Variants in GRM7 observed in about 807,000 individuals in gnomAD.
The protein encoded by GRM7 is metabotropic glutamate receptor 7.
A neutral mutation model predicts 84.5 loss-of-function variants in GRM7; 35 were observed. That is an observed-to-expected ratio of 0.41 (90% CI 0.32 to 0.55). The LOEUF (loss-of-function observed/expected upper bound fraction) is 0.55. Among genes scored for constraint, GRM7 ranks in the 20% least tolerant of loss-of-function variants. The pLI, the probability that GRM7 is intolerant of heterozygous loss-of-function variation, is 0.19. For missense variants in GRM7, 1,003 were observed against 1,194.6 expected, an observed-to-expected ratio of 0.84 and a Z score of 2.36; for synonymous variants, 487 against 455.1, an observed-to-expected ratio of 1.07 and a Z score of -0.89.
intron 8 of GRM7, among the ~76,000 whole-genome samples, chr3:7,582,107 G>A (rs1695285184): frequency 6.6e-6 from 1 of 152,174 alleles, no homozygotes; most frequent in South Asian, 2.1e-4. Context: ...CAATAGCACA[G>A]TAGAAGCTGG....
chr3:7,636,756 G>C (rs548592825), intron 8 of GRM7, among the ~76,000 whole-genome samples: 1 of 152,244 alleles, frequency 6.6e-6, no homozygotes, highest in African/African-American at 2.4e-5. Flanking sequence ...CTGGGTAAAA[G>C]CTCAGCTCAT....
chr3:7,158,730 A>G (rs959808303), intron 2 of GRM7, among the ~76,000 whole-genome samples: 4 of 152,192 alleles, frequency 2.6e-5, no homozygotes, highest in Non-Finnish European at 4.4e-5. Flanking sequence ...TTGATGTAGT[A>G]AAATTCTGGC....
At chr3:7,099,952 T>G (rs966702168) in intron 1 of GRM7, among the ~76,000 whole-genome samples, 3 of 147,850 alleles carry the variant, frequency 2.0e-5, no homozygotes, top group African/African-American at 7.4e-5. Context: ...ACATTATGTA[T>G]ATATACATAT....
intron 1 of GRM7, among the ~76,000 whole-genome samples, chr3:6,957,462 T>C (rs1693106949): frequency 6.6e-6 from 1 of 152,230 alleles, no homozygotes; most frequent in Non-Finnish European, 1.5e-5. Context: ...CTCTCAACAC[T>C]GACACAAAAA....
At chr3:7,388,862 A>G (rs1296897186) in intron 4 of GRM7, among the ~76,000 whole-genome samples, 1 of 151,948 alleles carries the variant, frequency 6.6e-6, no homozygotes, top group Non-Finnish European at 1.5e-5. Context: ...GATCCTTTGT[A>G]TGGTCACAAT....
chr3:7,609,399 A>G (rs1406569439), intron 8 of GRM7, among the ~76,000 whole-genome samples: 3 of 151,752 alleles, frequency 2.0e-5, no homozygotes, highest in Non-Finnish European at 4.4e-5. Context: ...TATCCAGTAG[A>G]GAGGGACAAA....
At chr3:7,471,218 A>AC (rs1273446095) in intron 7 of GRM7, among the ~76,000 whole-genome samples, 1 of 151,532 alleles carries the variant, frequency 6.6e-6, no homozygotes, top group Non-Finnish European at 1.5e-5. Context: ...TAAAAAAAAA[A>AC]ATTACCGCTA....
rs374828833 is a variant in GRM7, at chr3:7,316,413, TC to T, written c.1033+9767del. Reference sequence around the variant, plus strand: ...TCTAGGAGACTGGTAATGAGGTTATTCCCCCCAAAACAAAGAAACAACAACC... The same window carrying T: ...TCTAGGAGACTGGTAATGAGGTTATTCCCCCAAAACAAAGAAACAACAACC... On this transcript the variant is annotated intron_variant, in intron 4 of 9. Coordinates refer to ENST00000357716, the MANE Select transcript of GRM7 (RefSeq NM_000844.4). Among the ~76,000 whole-genome samples, 442 of 151,238 alleles carry T rather than the reference TC, an allele frequency of 2.9e-3. 4 individuals carry two copies. The highest frequency in any genetic ancestry group is 0.01 in the African/African-American group (420 of 41,186).
At chr3:7,453,198 C>T (rs569543393) in intron 6 of GRM7, among the ~76,000 whole-genome samples, 1 of 152,182 alleles carries the variant, frequency 6.6e-6, no homozygotes, top group Admixed American at 6.6e-5. Flanking sequence ...ACACAGAAGA[C>T]TTCTGTGACC....
At chr3:7,726,613 CTATA>C (rs56250356) in intron 9 of GRM7, among the ~76,000 whole-genome samples, 1,134 of 57,462 alleles carry the variant, frequency 0.02, 17 homozygotes, top group Non-Finnish European at 0.028. Flanking sequence ...CTCTCTCCCT[CTATA>C]TATATATATA....
intron 4 of GRM7, among the ~76,000 whole-genome samples, chr3:7,408,511 C>T (rs901942188): frequency 2.0e-5 from 3 of 152,184 alleles, no homozygotes; most frequent in Non-Finnish European, 2.9e-5. Flanking sequence ...ATCTGAGAGC[C>T]TAGACTCCTC....
intron 4 of GRM7, among the ~76,000 whole-genome samples, chr3:7,386,343 A>C (rs1035090159): frequency 1.3e-5 from 2 of 152,138 alleles, no homozygotes; most frequent in Admixed American, 1.3e-4. Flanking sequence ...CGTGATGCTT[A>C]GGTTTGGGCT....
chr3:6,996,238 T>G (rs2021521), intron 1 of GRM7, among the ~76,000 whole-genome samples: 54,769 of 151,952 alleles, frequency 0.36, 12,061 homozygotes, highest in Middle Eastern at 0.49. Flanking sequence ...TAAGTAGAGA[T>G]GGGATGTCAC....
chr3:7,711,340 G>C (rs868057903), intron 9 of GRM7, among the ~76,000 whole-genome samples: 1 of 152,138 alleles, frequency 6.6e-6, no homozygotes, highest in Admixed American at 6.5e-5. Context: ...TATGATTCAC[G>C]TACAGCAAGT....
At chr3:7,580,905 C>G (rs546417509) in intron 8 of GRM7, among the ~76,000 whole-genome samples, 33 of 151,776 alleles carry the variant, frequency 2.2e-4, no homozygotes, top group African/African-American at 7.2e-4. Flanking sequence ...AAAAAATCCC[C>G]AAATATGTGC....
intron 7 of GRM7, among the ~76,000 whole-genome samples, chr3:7,517,743 G>C (rs1017876022): frequency 6.6e-6 from 1 of 152,032 alleles, no homozygotes; most frequent in African/African-American, 2.4e-5. Context: ...GTCTTATCCG[G>C]GCCAGGTATT....
At chr3:7,708,287 G>A (rs1044390378) in intron 9 of GRM7, among the ~76,000 whole-genome samples, 2 of 151,604 alleles carry the variant, frequency 1.3e-5, no homozygotes, top group Admixed American at 6.6e-5. Context: ...AAAAATATGA[G>A]TTGATGTAAG....
At chr3:7,590,695 G>T (rs914934907) in intron 8 of GRM7, among the ~76,000 whole-genome samples, 1 of 152,110 alleles carries the variant, frequency 6.6e-6, no homozygotes, top group African/African-American at 2.4e-5. Flanking sequence ...CTTTATAGGA[G>T]GCTGTCACGC....
At chr3:7,219,332 C>T (rs1428330551) in intron 2 of GRM7, among the ~76,000 whole-genome samples, 3 of 152,158 alleles carry the variant, frequency 2.0e-5, no homozygotes, top group African/African-American at 7.2e-5. Flanking sequence ...AGACAGAGCT[C>T]ATATAACGGC....
Sources: allele counts gnomAD v4.1 joint callset (sites outside exome capture counted in the v4.1 genomes callset), GRCh38; gene constraint gnomAD v4.1.1; transcripts MANE v1.5; gene names NCBI Gene and HGNC (gene_info 2026-07-23, HGNC 2026-07-21).